Variants in SLC38A10 observed in about 807,000 individuals in gnomAD.
The protein encoded by SLC38A10 is Sodium-coupled neutral amino acid transporter 10.
A neutral mutation model predicts 81.0 loss-of-function variants in SLC38A10; 53 were observed. The ratio of observed to expected loss-of-function variants is 0.65; its 90% CI spans 0.53 to 0.82. The LOEUF is 0.82. SLC38A10 is among the 40% of genes least tolerant of loss of function. The probability of loss-of-function intolerance (pLI) is 0.00; values close to 1 mark genes in which losing one functional copy is unlikely to be tolerated. For missense variants in SLC38A10, 1,471 were observed against 1,545.0 expected (o/e 0.95, Z 0.80); for synonymous variants, 665 against 655.3 (o/e 1.01, Z -0.23).
intron 14 of SLC38A10, among the ~76,000 whole-genome samples, chr17:81,249,751 A>T (rs912465282): frequency 1.3e-5 from 2 of 152,040 alleles, no homozygotes; most frequent in Non-Finnish European, 2.9e-5. Context: ...GCAGCAGTGC[A>T]GGCAGCGTCC....
chr17:81,272,021 C>G (rs1343145635), intron 9 of SLC38A10, among the ~76,000 whole-genome samples: 2 of 151,984 alleles, frequency 1.3e-5, no homozygotes, highest in African/African-American at 4.8e-5. Flanking sequence ...GCCACTGCGC[C>G]CAGCAAGCTG....
chr17:81,279,427 C>T (rs1437892535), intron 6 of SLC38A10, among the ~76,000 whole-genome samples: 2 of 152,222 alleles, frequency 1.3e-5, no homozygotes, highest in African/African-American at 4.8e-5. Flanking sequence ...GATGTCTCTG[C>T]TCTCAGAAAA....
At chr17:81,280,486 G>T in intron 6 of SLC38A10, 123 bp downstream of exon 6, 1 of 1,425,496 alleles carries the variant, frequency 7.0e-7, no homozygotes, top group Non-Finnish European at 9.5e-7. Context: ...CACTGAACAA[G>T]ACATCACTCT....
At chr17:81,274,804 C>T (rs774149902) in intron 8 of SLC38A10, among the ~76,000 whole-genome samples, 1 of 152,248 alleles carries the variant, frequency 6.6e-6, no homozygotes, top group Non-Finnish European at 1.5e-5. Context: ...AGAACCAGGA[C>T]AGCCCTCTGG....
rs2146934368 is a variant in SLC38A10, at chr17:81,276,003, C to T, written c.878G>A (p.Arg293Lys). 1 of 1,613,718 alleles carries T rather than the reference C, an allele frequency of 6.2e-7. No homozygotes were observed. Among genetic ancestry groups the T allele is most frequent in the East Asian group, 2.2e-5 (1 of 44,870 alleles). ...VGFPMMILPC[R>K]QALSTLLCEQ... ...ACACAGCAGCGTGCTCAGGGCCTGCCTGCATGGCAGGATCATCATGGGGAA... is the reference window on the plus strand; with the variant it reads ...ACACAGCAGCGTGCTCAGGGCCTGCTTGCATGGCAGGATCATCATGGGGAA... Residue 293 changes from arginine (R) to lysine (K), a missense_variant, in exon 8 of 16, where the codon AGG becomes AAG. Physicochemically the swap from Arg to Lys is conservative, Grantham distance 26. This residue lies in a region of SLC38A10 where 720 missense variants were observed against 827.7 expected (regional missense o/e 0.87). Coordinates refer to ENST00000374759, the MANE Select transcript of SLC38A10 (RefSeq NM_001037984.3). This position sits in a 1 kb window ranked among gnomAD's most constrained non-coding sequence, Gnocchi z 4.7.
In SLC38A10 at chr17:81,276,215, AG is replaced by A; in HGVS notation, c.730-65del. Reference sequence around the variant, plus strand: ...ATCCTAGCCGAGTGGCACCTGTCACAGTGGGCAGGGCATGGGGGGGACCTGT... The same window carrying A: ...ATCCTAGCCGAGTGGCACCTGTCACATGGGCAGGGCATGGGGGGGACCTGT... On this transcript the variant is annotated intron_variant, in intron 7 of 15. Coordinates refer to ENST00000374759, the MANE Select transcript of SLC38A10 (RefSeq NM_001037984.3). The surrounding 1 kb of genome is among the most constrained non-coding windows in gnomAD (Gnocchi z 4.7). 1 of 1,480,860 alleles carries A rather than the reference AG, an allele frequency of 6.8e-7. No individual in the cohort carries two copies. The highest frequency in any genetic ancestry group is 1.3e-5 in the South Asian group (1 of 76,360). The allele number at this position is 1,480,860 out of a possible 1,614,324, so 91.7% of individuals were successfully genotyped here.
In SLC38A10 at chr17:81,277,674, C is replaced by T. The variant is rs1398548163; in HGVS notation, c.627-541G>A. On this transcript the variant is annotated intron_variant, in intron 6 of 15. Transcript: ENST00000374759. This position sits in a 1 kb window ranked among gnomAD's most constrained non-coding sequence, Gnocchi z 4.5. ...CTGGCTTCGGTCCCACAGCCTGGTGCCAGGAGTGTGGTGCTGCTAGGGGTG... is the reference window on the plus strand; with the variant it reads ...CTGGCTTCGGTCCCACAGCCTGGTGTCAGGAGTGTGGTGCTGCTAGGGGTG... 6.6e-6 allele frequency among the ~76,000 whole-genome samples: 1 copy of T among 152,218 alleles called. No individual in the cohort carries two copies. The highest frequency in any genetic ancestry group is 2.4e-5 in the African/African-American group (1 of 41,458).
intron 1 of SLC38A10, among the ~76,000 whole-genome samples, chr17:81,293,326 G>A (rs189009417): frequency 2.3e-4 from 35 of 152,330 alleles, no homozygotes; most frequent in Admixed American, 6.5e-4. Context: ...GATTCTCCAC[G>A]CCCAGACCAG....
At chr17:81,274,366 G>A (rs1457251349) in intron 8 of SLC38A10, among the ~76,000 whole-genome samples, 1 of 152,240 alleles carries the variant, frequency 6.6e-6, no homozygotes, top group African/African-American at 2.4e-5. Context: ...CATGGACAGT[G>A]AGCCAATGCT....
intron 4 of SLC38A10, 24 bp from the exon 5 acceptor site, chr17:81,282,356 T>A (rs1260986537): frequency 1.3e-6 from 2 of 1,592,010 alleles, no homozygotes; most frequent in Non-Finnish European, 8.5e-7. Context: ...GCAGGGGGTC[T>A]TGGCCACAGC....
rs1277122729 is a variant in SLC38A10, at chr17:81,277,375, G to C, written c.627-242C>G. 6.6e-6 allele frequency among the ~76,000 whole-genome samples: 1 copy of C among 152,232 alleles called. No individual in the cohort carries two copies. ...GTGCACCATGCGAACATTCCCCAAG[G>C]CTACAGAACGACAGGCTGCTGCTCC... On this transcript the variant is annotated intron_variant, in intron 6 of 15. Transcript: ENST00000374759. This position sits in a 1 kb window ranked among gnomAD's most constrained non-coding sequence, Gnocchi z 4.5.
At position 81,294,077 on chromosome 17, in the gene SLC38A10, G is replaced by T. The variant is rs144820395; in HGVS notation, c.99+746C>A. Among the ~76,000 whole-genome samples the T allele has an allele frequency of 3.8e-3, 574 of 152,288 alleles. 1 individual carries two copies. Among genetic ancestry groups the T allele is most frequent in the African/African-American group, 0.013 (542 of 41,562 alleles). On this transcript the variant is annotated intron_variant, in intron 1 of 15. Transcript: ENST00000374759. Reference sequence around the variant, plus strand: ...CGCCCAGGCTGGAGTGCAATGGCGTGATCTCGGCTCACTGCAACCTTCGGC... The same window carrying T: ...CGCCCAGGCTGGAGTGCAATGGCGTTATCTCGGCTCACTGCAACCTTCGGC...
intron 10 of SLC38A10, chr17:81,264,853 T>C (rs1304991962): frequency 6.6e-6 from 1 of 152,116 alleles, no homozygotes; most frequent in Non-Finnish European, 1.5e-5. Flanking sequence ...CAGTGTGCAT[T>C]TCACTGCATC....
intron 2 of SLC38A10, among the ~76,000 whole-genome samples, chr17:81,287,298 C>A (rs2063275645): frequency 6.6e-6 from 1 of 152,204 alleles, no homozygotes; most frequent in Non-Finnish European, 1.5e-5. Flanking sequence ...TCGGAGGAAA[C>A]CACCCAGCCG....
rs567865530 is a variant in SLC38A10 at position 81,250,491 on chromosome 17, G to A, written c.2065+1002C>T. ...CTTACGAACATCCTGGGAGGTGCCC[G>A]TGCCAGGGCTGGCCCGGAGCTCCCA... On this transcript the variant is annotated intron_variant, in intron 14 of 15. Coordinates refer to ENST00000374759, the MANE Select transcript of SLC38A10 (RefSeq NM_001037984.3). Among the ~76,000 whole-genome samples, 12 of 152,352 alleles carry A rather than the reference G, an allele frequency of 7.9e-5. No individual in the cohort carries two copies. In the East Asian group the frequency reaches 9.6e-4, roughly 12 times the overall value.
At chr17:81,280,469 A>G in intron 6 of SLC38A10, 140 bp downstream of exon 6, 1 of 1,284,212 alleles carries the variant, frequency 7.8e-7, no homozygotes, top group Non-Finnish European at 1.1e-6. Context: ...GGGGCGGGAA[A>G]GGTCATCACT....
At chr17:81,263,857 C>G (rs1015935088) in intron 10 of SLC38A10, 1 of 152,512 alleles carries the variant, frequency 6.6e-6, no homozygotes, top group African/African-American at 2.4e-5. Flanking sequence ...GTGTGAGCAC[C>G]TTTCACTTCT....
intron 8 of SLC38A10, 86 bp from the exon 9 acceptor site, chr17:81,272,713 A>T: frequency 4.7e-6 from 4 of 850,520 alleles, no homozygotes; most frequent in Non-Finnish European, 7.0e-6. Context: ...GGGCTCTGCC[A>T]GGCACACCAG....
intron 11 of SLC38A10, among the ~76,000 whole-genome samples, chr17:81,259,492 G>A (rs1176643923): frequency 1.3e-5 from 2 of 152,226 alleles, no homozygotes; most frequent in African/African-American, 2.4e-5. Context: ...AGAGCTCGTG[G>A]GAGGGCTGGC....
Sources: gnomAD v4.1 joint callset for allele counts (sites outside exome capture counted in the v4.1 genomes callset) on GRCh38, gnomAD v4.1.1 for gene constraint, gnomAD v4.1.1 regional missense constraint, Gnocchi (gnomAD v3.1) non-coding constraint, MANE v1.5 for transcripts, NCBI Gene and HGNC (gene_info 2026-07-23, HGNC 2026-07-21) for gene names.